The following CSNK2A1 variants were observed in gnomAD, a reference collection of about 807,000 sequenced individuals.
The protein encoded by CSNK2A1 is casein kinase 2 alpha 1, also known as casein kinase II subunit alpha.
Under a neutral mutation model 62.9 loss-of-function variants are expected in CSNK2A1, and 10 were observed. The observed-to-expected ratio is 0.16, with a 90% CI of 0.10 to 0.27. CSNK2A1 has a LOEUF of 0.27. Ranked by LOEUF, CSNK2A1 falls within the 10% of genes least tolerant of loss-of-function variation. The pLI is 1.00. For synonymous variants in CSNK2A1, 124 were observed against 167.8 expected (o/e 0.74, Z 2.02); for missense variants, 160 against 492.0 (o/e 0.33, Z 6.38).
intron 2 of CSNK2A1, 92 bp downstream of exon 2, chr20:527,841 T>C (rs1454974894): frequency 6.6e-6 from 1 of 152,202 alleles, no homozygotes; most frequent in African/African-American, 2.4e-5. Flanking sequence ...GCCCGGCCTG[T>C]GGTTTTTAAA....
intron 8 of CSNK2A1, chr20:494,785 TTGC>T (rs1248864692): frequency 6.6e-6 from 1 of 152,316 alleles, no homozygotes; most frequent in Admixed American, 6.5e-5. Context: ...AGCTTTATCC[TTGC>T]TGCTGCTCTT....
rs2018335385 is a variant in CSNK2A1 at position 495,783 on chromosome 20, C to G, written c.446G>C (p.Ser149Thr). ...GACATCTCTGTGCATAATTCCCATGCTGTGACAATAATCCAGGGCCTGTGG... is the reference window on the plus strand; with the variant it reads ...GACATCTCTGTGCATAATTCCCATGGTGTGACAATAATCCAGGGCCTGTGG... ...EILKALDYCHSMGIMHRDVKP... is the reference protein window; with the variant it reads ...EILKALDYCHTMGIMHRDVKP... The change falls in exon 8 of 14, where the codon AGC becomes ACC. Residue 149 changes from serine to threonine, a missense_variant. By Grantham distance (58) the Ser-to-Thr change is moderately conservative. Coordinates refer to ENST00000217244, the MANE Select transcript of CSNK2A1 (RefSeq NM_177559.3). The G allele has an allele frequency of 6.2e-7, 1 of 1,613,916 alleles. No individual in the cohort carries two copies. Among genetic ancestry groups the G allele is most frequent in the Non-Finnish European group, 8.5e-7 (1 of 1,179,926 alleles).
At chr20:504,661 T>G (rs186341092) in intron 4 of CSNK2A1, 1 of 156,796 alleles carries the variant, frequency 6.4e-6, no homozygotes, top group East Asian at 1.9e-4. Flanking sequence ...TGTTTCCCAG[T>G]TTGTTTCAGT....
chr20:508,355 TAC>T (rs1426662681), intron 3 of CSNK2A1, 94 bp downstream of exon 3: 6 of 1,392,698 alleles, frequency 4.3e-6, no homozygotes, highest in Non-Finnish European at 4.0e-6. Flanking sequence ...GGTATACACA[TAC>T]AGAGTCACGG....
rs77349195 is a variant in CSNK2A1 at position 524,675 on chromosome 20, G to A, written c.-110+3258C>T. 2.0e-3 allele frequency among the ~76,000 whole-genome samples: 280 copies of A among 142,524 alleles called. 2 individuals carry two copies. The highest frequency in any genetic ancestry group is 3.0e-3 in the Non-Finnish European group (201 of 66,242). 93.5% of individuals were successfully genotyped at this position (142,524 alleles called of 152,430 possible). A position where few individuals can be genotyped will look rare whatever the true frequency, so the allele number is the denominator to read the frequency against. Reference sequence around the variant, plus strand: ...AACCTAGGAGGTGGAGGTTGCAGTGGGCACTCCAGCATGGGTGACGGAGAC... The same window carrying A: ...AACCTAGGAGGTGGAGGTTGCAGTGAGCACTCCAGCATGGGTGACGGAGAC... On this transcript the variant is annotated intron_variant, in intron 2 of 13. Coordinates refer to ENST00000217244, the MANE Select transcript of CSNK2A1 (RefSeq NM_177559.3).
intron 2 of CSNK2A1, among the ~76,000 whole-genome samples, chr20:512,245 T>C (rs896095952): frequency 6.6e-6 from 1 of 151,922 alleles, no homozygotes; most frequent in Non-Finnish European, 1.5e-5. Context: ...CTAATGAGTA[T>C]GAAGTTGTAT....
chr20:531,198 AAAAG>A (rs2019205353), intron 1 of CSNK2A1, among the ~76,000 whole-genome samples: 2 of 152,244 alleles, frequency 1.3e-5, no homozygotes, highest in South Asian at 4.1e-4. Flanking sequence ...TCTATTTCTT[AAAAG>A]AAATAAAGCA....
intron 12 of CSNK2A1, 104 bp downstream of exon 12, chr20:487,323 G>A (rs1568500281): frequency 6.6e-7 from 1 of 1,514,466 alleles, no homozygotes; most frequent in African/African-American, 1.4e-5. Flanking sequence ...GGCTCAGTGT[G>A]GGTGAATTAA....
rs897266402 is a variant in CSNK2A1 at position 473,918 on chromosome 20, G to A, written c.*10043C>T. 1.3e-5 allele frequency: 2 copies of A among 152,224 alleles called. No homozygotes were observed. Among genetic ancestry groups the A allele is most frequent in the Non-Finnish European group, 2.9e-5 (2 of 68,068 alleles). The allele number at this position is 152,224 out of a possible 1,614,324, so 9.4% of individuals were successfully genotyped here. A position where few individuals can be genotyped will look rare whatever the true frequency, so the allele number is the denominator to read the frequency against. On this transcript the variant is annotated 3_prime_UTR_variant, in exon 14 of 14. Transcript: ENST00000217244. Reference sequence around the variant, plus strand: ...AACTGCCCGAGTCTCACAGCAGCATGGTGGATATCCCGCTGTCCCTCAAAC... The same window carrying A: ...AACTGCCCGAGTCTCACAGCAGCATAGTGGATATCCCGCTGTCCCTCAAAC...
In CSNK2A1 at chr20:543,698, G is replaced by A. The variant is rs920223625; in HGVS notation, c.-253C>T. The stretch of plus-strand genomic sequence containing the variant: ...TGTGGTGGAAGCGGCAGCGGCGGCG[G>A]CCGCTCTCCCCTCTGCTCACACAGA... On this transcript the variant is annotated 5_prime_UTR_variant, in exon 1 of 14. Transcript: ENST00000217244. 2.5e-5 allele frequency: 10 copies of A among 398,330 alleles called. No homozygotes were observed. Among genetic ancestry groups the A allele is most frequent in the Admixed American group, 1.3e-4 (3 of 22,722 alleles). The allele number at this position is 398,330 out of a possible 1,614,324, so 24.7% of individuals were successfully genotyped here.
At chr20:541,776 C>T (rs2019455823) in intron 1 of CSNK2A1, among the ~76,000 whole-genome samples, 1 of 152,168 alleles carries the variant, frequency 6.6e-6, no homozygotes, top group Admixed American at 6.5e-5. Flanking sequence ...AGTCACCTCA[C>T]GGGGACCTAA....
chr20:530,155 A>G (rs986599170), intron 1 of CSNK2A1, among the ~76,000 whole-genome samples: 6 of 152,170 alleles, frequency 3.9e-5, no homozygotes, highest in African/African-American at 1.4e-4. Flanking sequence ...ATTAACTCCC[A>G]ATAGCCTCTT....
At chr20:489,700 A>G in intron 10 of CSNK2A1, 80 bp downstream of exon 10, 1 of 1,184,510 alleles carries the variant, frequency 8.4e-7, no homozygotes, top group Non-Finnish European at 1.2e-6. Flanking sequence ...CTGAATAAAC[A>G]GTGAACTGAA....
intron 1 of CSNK2A1, among the ~76,000 whole-genome samples, chr20:541,448 GAAGTA>G (rs946855400): frequency 1.3e-5 from 2 of 152,118 alleles, no homozygotes; most frequent in Admixed American, 1.3e-4. Context: ...AACAGAGTGT[GAAGTA>G]AAGATGTATA....
Position 492,272 on chromosome 20 carries a change from C to T in CSNK2A1, c.603G>A (p.Glu201=), listed in dbSNP as rs919408183. 7.4e-6 allele frequency: 12 copies of T among 1,613,742 alleles called. No individual in the cohort carries two copies. Among genetic ancestry groups the T allele is most frequent in the Middle Eastern group, 1.6e-4 (1 of 6,084 alleles). ...TTCTTACCTGATAGTCTACAAGTAG[C>T]TCAGGACCTTTGAAGTATCGGGAAG... The part of the protein sequence containing the change: ...RVASRYFKGP[E]LLVDYQMYDY... The change falls in exon 9 of 14, where the codon GAG becomes GAA. Residue 201 remains glutamate (E), a synonymous_variant. Coordinates refer to ENST00000217244, the MANE Select transcript of CSNK2A1 (RefSeq NM_177559.3).
chr20:516,025 G>A (rs1486204336), intron 2 of CSNK2A1, among the ~76,000 whole-genome samples: 1 of 152,102 alleles, frequency 6.6e-6, no homozygotes, highest in Admixed American at 6.5e-5. Context: ...AGAGAATACT[G>A]AAGAAACTTG....
At chr20:498,736 GA>G (rs1176642128) in intron 6 of CSNK2A1, 2 of 152,206 alleles carry the variant, frequency 1.3e-5, no homozygotes, top group East Asian at 3.8e-4. Context: ...GGAACTGTGT[GA>G]AATAAGTAGG....
intron 1 of CSNK2A1, among the ~76,000 whole-genome samples, chr20:537,707 A>C (rs1243699282): frequency 6.6e-6 from 1 of 152,238 alleles, no homozygotes; most frequent in African/African-American, 2.4e-5. Flanking sequence ...CAGAAGTTCA[A>C]AGAAATTCAG....
chr20:518,984 A>G (rs1213224475), intron 2 of CSNK2A1, among the ~76,000 whole-genome samples: 1 of 137,012 alleles, frequency 7.3e-6, no homozygotes, highest in Non-Finnish European at 1.5e-5. Context: ...CACCCAGGTT[A>G]GAGTGCAGTG....
Sources: allele counts gnomAD v4.1 joint callset (sites outside exome capture counted in the v4.1 genomes callset), GRCh38; gene constraint gnomAD v4.1.1; transcripts MANE v1.5; gene names NCBI Gene and HGNC (gene_info 2026-07-23, HGNC 2026-07-21).